Variants in CDH12 observed in about 807,000 individuals in gnomAD.
The protein encoded by CDH12 is cadherin-12.
A neutral mutation model predicts 74.1 loss-of-function variants in CDH12; 41 were observed. The ratio of observed to expected loss-of-function variants is 0.55; its 90% CI spans 0.43 to 0.72. The LOEUF is 0.72. CDH12 is among the 30% of genes least tolerant of loss of function. The pLI, the probability that CDH12 is intolerant of heterozygous loss-of-function variation, is 0.00. For synonymous variants in CDH12, 399 were observed against 355.0 expected (o/e 1.12, Z -1.39); for missense variants, 945 against 977.2 (o/e 0.97, Z 0.44).
At chr5:22,749,568 T>G (rs150262282) in intron 1 of CDH12, among the ~76,000 whole-genome samples, 1 of 152,214 alleles carries the variant, frequency 6.6e-6, no homozygotes, top group East Asian at 1.9e-4. Context: ...TTTCTAAAAG[T>G]AAAATCAAAT....
intron 6 of CDH12, among the ~76,000 whole-genome samples, chr5:21,927,166 A>C (rs1211459516): frequency 6.6e-6 from 1 of 152,220 alleles, no homozygotes; most frequent in Non-Finnish European, 1.5e-5. Context: ...TGTATTATCA[A>C]GTAATTAAGG....
intron 6 of CDH12, chr5:21,882,865 A>G: frequency 1.3e-6 from 2 of 1,595,654 alleles, no homozygotes; most frequent in Non-Finnish European, 8.6e-7. Context: ...AAATATAAAA[A>G]CATTGGAGCT....
At chr5:21,993,060 G>A (rs1439017450) in intron 5 of CDH12, among the ~76,000 whole-genome samples, 2 of 152,056 alleles carry the variant, frequency 1.3e-5, no homozygotes, top group South Asian at 2.1e-4. Flanking sequence ...CGATGAGGGG[G>A]ACATCTGCCC....
At chr5:21,890,071 G>C (rs557093859) in intron 6 of CDH12, among the ~76,000 whole-genome samples, 1 of 152,236 alleles carries the variant, frequency 6.6e-6, no homozygotes, top group African/African-American at 2.4e-5. Flanking sequence ...ACACTTAAAT[G>C]AATCAACTTC....
At chr5:21,881,977 G>C (rs1752377377) in intron 6 of CDH12, among the ~76,000 whole-genome samples, 1 of 152,138 alleles carries the variant, frequency 6.6e-6, no homozygotes, top group Admixed American at 6.6e-5. Context: ...CATTTTGATA[G>C]TTTATGATGT....
At chr5:22,446,781 A>T (rs1169010436) in intron 2 of CDH12, among the ~76,000 whole-genome samples, 1 of 152,154 alleles carries the variant, frequency 6.6e-6, no homozygotes, top group Non-Finnish European at 1.5e-5. Flanking sequence ...CAACATTTCC[A>T]TAATATATTG....
chr5:21,999,340 G>C (rs1736471734), intron 5 of CDH12, among the ~76,000 whole-genome samples: 1 of 152,102 alleles, frequency 6.6e-6, no homozygotes, highest in Admixed American at 6.6e-5. Flanking sequence ...CACCACCATT[G>C]TATCTAATAT....
intron 3 of CDH12, among the ~76,000 whole-genome samples, chr5:22,237,467 A>G (rs1004975609): frequency 6.6e-6 from 1 of 152,098 alleles, no homozygotes; most frequent in African/African-American, 2.4e-5. Flanking sequence ...AGGGCAGACA[A>G]ATGTGATGTG....
At chr5:21,842,037 C>A in intron 8 of CDH12, 124 bp downstream of exon 8, 2 of 726,482 alleles carry the variant, frequency 2.8e-6, no homozygotes, top group Non-Finnish European at 4.6e-6. Context: ...ATTTTTAATC[C>A]ATTAGCTTCT....
intron 2 of CDH12, among the ~76,000 whole-genome samples, chr5:22,504,583 CTAAG>C (rs1233371502): frequency 1.3e-5 from 2 of 151,934 alleles, no homozygotes. Context: ...TGACTACAGC[CTAAG>C]TAAGGGTAGA....
At chr5:22,596,124 T>C (rs1034857805) in intron 1 of CDH12, among the ~76,000 whole-genome samples, 1 of 141,340 alleles carries the variant, frequency 7.1e-6, no homozygotes, top group Non-Finnish European at 1.5e-5. Context: ...AATAAAAAAA[T>C]AAAAAATAAA....
At chr5:22,626,502 T>C (rs1738305782) in intron 1 of CDH12, among the ~76,000 whole-genome samples, 1 of 152,120 alleles carries the variant, frequency 6.6e-6, no homozygotes, top group Non-Finnish European at 1.5e-5. Flanking sequence ...CCCCCTGAAA[T>C]CTTCCAGAAT....
intron 2 of CDH12, among the ~76,000 whole-genome samples, chr5:22,449,896 G>A (rs2126559930): frequency 6.6e-6 from 1 of 152,044 alleles, no homozygotes; most frequent in Middle Eastern, 3.4e-3. Flanking sequence ...TATGGACAAT[G>A]TTGCAGTATT....
At chr5:22,253,353 A>C (rs1295435245) in intron 3 of CDH12, among the ~76,000 whole-genome samples, 1 of 151,930 alleles carries the variant, frequency 6.6e-6, no homozygotes, top group East Asian at 1.9e-4. Flanking sequence ...TTAATAAATA[A>C]GTAAAACTGG....
intron 8 of CDH12, among the ~76,000 whole-genome samples, chr5:21,828,542 C>T (rs1748809528): frequency 6.6e-6 from 1 of 152,118 alleles, no homozygotes; most frequent in Non-Finnish European, 1.5e-5. Flanking sequence ...TGGTAATGGT[C>T]TCTTCCCATG....
chr5:22,695,632 T>C lies in CDH12; in HGVS notation c.-523+157426A>G, dbSNP rs528613922. On this transcript the variant is annotated intron_variant, in intron 1 of 14. Coordinates refer to ENST00000382254, the MANE Select transcript of CDH12 (RefSeq NM_004061.5). ...TAAATCTTTATTATTCTAAATTTTC[T>C]AGTTTCTTCTTGACAATCTTTGGGT... Among the ~76,000 whole-genome samples, 33 of 152,240 alleles carry C rather than the reference T, an allele frequency of 2.2e-4. 1 individual carries two copies. Among genetic ancestry groups the C allele is most frequent in the Non-Finnish European group, 3.2e-4 (22 of 68,034 alleles).
intron 5 of CDH12, among the ~76,000 whole-genome samples, chr5:21,976,005 A>T (rs1225189635): frequency 1.3e-5 from 2 of 152,136 alleles, no homozygotes; most frequent in Non-Finnish European, 2.9e-5. Context: ...AGGAACTCAG[A>T]AAACACTAAG....
At chr5:22,848,208 C>G (rs1034177557) in intron 1 of CDH12, among the ~76,000 whole-genome samples, 1 of 152,176 alleles carries the variant, frequency 6.6e-6, no homozygotes, top group Non-Finnish European at 1.5e-5. Context: ...GATGGCAAAA[C>G]TTTCATCACA....
In CDH12 at chr5:22,822,704, A is replaced by G. The variant is rs1291647863; in HGVS notation, c.-523+30354T>C. On this transcript the variant is annotated intron_variant, in intron 1 of 14. Transcript: ENST00000382254. ...TGAGATACCATCTCACACCAGTCAG[A>G]ATGGCAATCATTAAAAAGTCAGGAA... 2.6e-5 allele frequency among the ~76,000 whole-genome samples: 4 copies of G among 152,326 alleles called. No individual in the cohort carries two copies. In the East Asian group the frequency reaches 5.8e-4, roughly 22 times the overall value.
Sources: gnomAD v4.1 joint callset for allele counts (sites outside exome capture counted in the v4.1 genomes callset) on GRCh38, gnomAD v4.1.1 for gene constraint, MANE v1.5 for transcripts, NCBI Gene and HGNC (gene_info 2026-07-23, HGNC 2026-07-21) for gene names.